The following GPCPD1 variants were observed in gnomAD, a reference collection of about 807,000 sequenced individuals.
GPCPD1 encodes glycerophosphocholine phosphodiesterase 1.
In GPCPD1, 29 loss-of-function variants were observed where a neutral mutation model predicts 89.2. That is an observed-to-expected ratio of 0.33 (90% CI 0.24 to 0.44). The LOEUF is 0.44. GPCPD1 is among the 20% of genes least tolerant of loss of function. The pLI, the probability that GPCPD1 is intolerant of heterozygous loss-of-function variation, is 1.00. For missense variants in GPCPD1, 594 were observed against 808.9 expected (o/e 0.73, Z 3.22); for synonymous variants, 258 against 266.3 (o/e 0.97, Z 0.30).
intron 15 of GPCPD1, among the ~76,000 whole-genome samples, chr20:5,564,328 TA>T (rs989180988): frequency 2.8e-4 from 41 of 146,486 alleles, no homozygotes; most frequent in South Asian, 1.1e-3. Flanking sequence ...AAAATATTGT[TA>T]AAAAAAAAAA....
At chr20:5,563,519 T>C (rs776258715) in intron 15 of GPCPD1, among the ~76,000 whole-genome samples, 4 of 152,120 alleles carry the variant, frequency 2.6e-5, no homozygotes, top group Non-Finnish European at 5.9e-5. Context: ...ACTTATTTAT[T>C]TATTTTTGAG....
Position 5,573,630 on chromosome 20 carries a change from C to T in GPCPD1, c.1056+285G>A, listed in dbSNP as rs1986843237. On this transcript the variant is annotated intron_variant, in intron 11 of 19. Coordinates refer to ENST00000379019, the MANE Select transcript of GPCPD1 (RefSeq NM_019593.5). ...ATGGTGGCACATGCCTCTAGTCCCA[C>T]TACTACGGAGGCTGAGGTGGGAGGA... Among the ~76,000 whole-genome samples, 3 of 152,282 alleles carry T rather than the reference C, an allele frequency of 2.0e-5. No individual in the cohort carries two copies. In the South Asian group the frequency reaches 6.2e-4, roughly 32 times the overall value.
At position 5,560,040 on chromosome 20, in the gene GPCPD1, CA is replaced by C; in HGVS notation, c.1431del (p.Phe477LeufsTer3). ...GMWDGNLSTY[F>X]DMNLFLDIIL... ...ATTATATCCAAAAACAGATTCATGT[CA>C]AAATATGTTGATAAGTTACCATCCC... On this transcript the variant is annotated frameshift_variant, in exon 17 of 20. Coordinates refer to ENST00000379019, the MANE Select transcript of GPCPD1 (RefSeq NM_019593.5). LOFTEE classifies it high-confidence loss of function. 1.9e-6 allele frequency: 3 copies of C among 1,583,574 alleles called. No homozygotes were observed. The highest frequency in any genetic ancestry group is 1.1e-5 in the South Asian group (1 of 87,182).
chr20:5,565,893 A>C (rs945147637), intron 14 of GPCPD1, among the ~76,000 whole-genome samples: 1 of 152,214 alleles, frequency 6.6e-6, no homozygotes, highest in Admixed American at 6.5e-5. Context: ...AAGTGGAAAA[A>C]ATTAAAATAT....
At chr20:5,584,187 T>C in intron 6 of GPCPD1, 94 bp downstream of exon 6, 1 of 676,890 alleles carries the variant, frequency 1.5e-6, no homozygotes, top group Non-Finnish European at 2.7e-6. Context: ...CATGACTGTA[T>C]GTTCTATTTT....
intron 19 of GPCPD1, among the ~76,000 whole-genome samples, chr20:5,553,185 A>T (rs1396521609): frequency 6.6e-6 from 1 of 152,166 alleles, no homozygotes; most frequent in Non-Finnish European, 1.5e-5. Context: ...TCTGCGTCAC[A>T]TTTTGATAAT....
intron 8 of GPCPD1, among the ~76,000 whole-genome samples, chr20:5,577,757 C>T (rs1445487375): frequency 6.6e-6 from 1 of 151,980 alleles, no homozygotes; most frequent in Non-Finnish European, 1.5e-5. Context: ...CACTACATAC[C>T]ACTACCGAGC....
Position 5,567,469 on chromosome 20 carries a change from GTTA to G in GPCPD1, c.1227+11_1227+13del, listed in dbSNP as rs745365255. ...AGCTAAGGGATAATTTACATTTCAT[GTTA>G]TTATTACTACCTTTAACAACTGGAG... On this transcript the variant is annotated intron_variant, in intron 13 of 19. Transcript: ENST00000379019. 4 of 1,545,316 alleles carry G rather than the reference GTTA, an allele frequency of 2.6e-6. No individual in the cohort carries two copies. Among genetic ancestry groups the G allele is most frequent in the African/African-American group, 1.4e-5 (1 of 70,748 alleles).
intron 6 of GPCPD1, among the ~76,000 whole-genome samples, chr20:5,583,702 T>C (rs1186035616): frequency 2.0e-5 from 3 of 152,236 alleles, no homozygotes; most frequent in Non-Finnish European, 2.9e-5. Context: ...ACTCTTTGGT[T>C]AGTCTGAATT....
At chr20:5,598,680 G>T in intron 3 of GPCPD1, 45 bp downstream of exon 3, 2 of 1,115,416 alleles carry the variant, frequency 1.8e-6, no homozygotes, top group African/African-American at 1.5e-5. Context: ...AACATCATAA[G>T]GTTAATGTCA....
Position 5,576,291 on chromosome 20 carries a change from A to G in GPCPD1, c.706-313T>C, listed in dbSNP as rs368334000. 1.2e-4 allele frequency among the ~76,000 whole-genome samples: 19 copies of G among 152,084 alleles called. No individual in the cohort carries two copies. The East Asian group carries it at 2.9e-3, about 23-fold the overall frequency. On this transcript the variant is annotated intron_variant, in intron 8 of 19. Coordinates refer to ENST00000379019, the MANE Select transcript of GPCPD1 (RefSeq NM_019593.5). ...AAAAATTAGCCGGGGATGGTGGCGC[A>G]TGCCAGTAGTCCCAGCTACTCGGGA... is the stretch of plus-strand genomic sequence containing the variant.
Position 5,578,263 on chromosome 20 carries a change from C to T in GPCPD1, c.705+117G>A, listed in dbSNP as rs1372626010. 4 of 668,822 alleles carry T rather than the reference C, an allele frequency of 6.0e-6. No individual in the cohort carries two copies. In the African/African-American group the frequency reaches 7.2e-5, roughly 12 times the overall value. 41.4% of individuals were successfully genotyped at this position (668,822 alleles called of 1,614,324 possible). On this transcript the variant is annotated intron_variant, in intron 8 of 19. Coordinates refer to ENST00000379019, the MANE Select transcript of GPCPD1 (RefSeq NM_019593.5). ...TTTTAAGCTTAACTGTACAGAAGAG[C>T]ATACCTCTAAAAAGTTAGCTTTACA... is the stretch of plus-strand genomic sequence containing the variant.
At chr20:5,562,563 T>C (rs934443162) in intron 15 of GPCPD1, among the ~76,000 whole-genome samples, 2 of 152,244 alleles carry the variant, frequency 1.3e-5, no homozygotes, top group Non-Finnish European at 2.9e-5. Context: ...ATTACAGGCG[T>C]GAGCCACTGT....
At chr20:5,564,405 T>C (rs946823409) in intron 15 of GPCPD1, among the ~76,000 whole-genome samples, 10 of 152,048 alleles carry the variant, frequency 6.6e-5, no homozygotes, top group African/African-American at 2.4e-4. Context: ...CTCCTTCCCA[T>C]TTATAAACAG....
chr20:5,590,542 C>CAA lies in GPCPD1; in HGVS notation c.231+2783_231+2784dup, dbSNP rs71197771. ...TGGGCGACAGAACAAGACTCTGTCTCAAAAAAAAAAATCTCTATTTTTAGT... is the reference window on the plus strand; with the variant it reads ...TGGGCGACAGAACAAGACTCTGTCTCAAAAAAAAAAAAATCTCTATTTTTAGT... On this transcript the variant is annotated intron_variant, in intron 4 of 19. Transcript: ENST00000379019. Among the ~76,000 whole-genome samples the CAA allele has an allele frequency of 8.9e-5, 7 of 78,980 alleles. 1 individual carries two copies. Among genetic ancestry groups the CAA allele is most frequent in the Admixed American group, 7.5e-4 (6 of 8,048 alleles). 51.8% of individuals were successfully genotyped at this position (78,980 alleles called of 152,430 possible).
intron 16 of GPCPD1, 48 bp downstream of exon 16, chr20:5,561,417 T>C (rs779748920): frequency 2.0e-6 from 2 of 979,888 alleles, no homozygotes; most frequent in Admixed American, 4.5e-5. Flanking sequence ...AAGAATTTTT[T>C]AGATAGGCAT....
intron 5 of GPCPD1, chr20:5,584,550 TA>T: frequency 3.6e-6 from 1 of 281,562 alleles, no homozygotes; most frequent in Non-Finnish European, 6.7e-6. Flanking sequence ...TCCATTATGT[TA>T]AAAAGAAGAA....
chr20:5,600,266 T>C (rs1190292456), intron 2 of GPCPD1, among the ~76,000 whole-genome samples: 2 of 152,208 alleles, frequency 1.3e-5, no homozygotes, highest in East Asian at 1.9e-4. Flanking sequence ...GGGCTCTAAA[T>C]ACATGTGGGC....
In GPCPD1 at chr20:5,561,479, T is replaced by G. The variant is rs1381654870; in HGVS notation, c.1381A>C (p.Ile461Leu). 6.3e-7 allele frequency: 1 copy of G among 1,578,570 alleles called. No homozygotes were observed. The highest frequency in any genetic ancestry group is 1.1e-5 in the South Asian group (1 of 90,140). Residue 461 changes from isoleucine (I) to leucine (L), a missense_variant, in exon 16 of 20, where the codon ATC (isoleucine) becomes CTC (leucine). Physicochemically the swap from Ile to Leu is conservative, Grantham distance 5. Coordinates refer to ENST00000379019, the MANE Select transcript of GPCPD1 (RefSeq NM_019593.5). ...DVGFNIEIKW[I>L]CQQRDGMWDG... ...GAATTACTTACCCTTTGCTGGCAGA[T>G]CCATTTTATTTCAATGTTAAACCCT...
Sources: gnomAD v4.1 joint callset for allele counts (sites outside exome capture counted in the v4.1 genomes callset) on GRCh38, gnomAD v4.1.1 for gene constraint, MANE v1.5 for transcripts, NCBI Gene and HGNC (gene_info 2026-07-23, HGNC 2026-07-21) for gene names.